CD109: variants seen among roughly 807,000 people sequenced by gnomAD.
CD109 encodes the protein CD109 molecule.
A neutral mutation model predicts 165.8 loss-of-function variants in CD109; 149 were observed. The ratio of observed to expected loss-of-function variants is 0.90; its 90% confidence interval spans 0.79 to 1.03. The LOEUF (loss-of-function observed/expected upper bound fraction) is 1.03, where lower values mean the gene tolerates loss of function less well. CD109 is among the 50% of genes least tolerant of loss of function. CD109 has a pLI of 0.00. For synonymous variants in CD109, 585 were observed against 592.1 expected (o/e 0.99, Z 0.18); for missense variants, 1,712 against 1,677.8 (o/e 1.02, Z -0.36).
At chr6:73,695,997 C>T (rs2150140673), upstream of CD109, 2 of 534,294 alleles carry the variant, frequency 3.7e-6, no homozygotes, top group East Asian at 3.7e-5. Flanking sequence ...ATGTTTGCCA[C>T]AGCAGCGAGA....
chr6:73,756,889 T>C (rs1410291909), intron 6 of CD109, among the ~76,000 whole-genome samples: 1 of 152,186 alleles, frequency 6.6e-6, no homozygotes, highest in East Asian at 1.9e-4. Flanking sequence ...AAAAATCACC[T>C]ATAGTTGCAT....
At chr6:73,786,173 C>T (rs958153117) in intron 20 of CD109, among the ~76,000 whole-genome samples, 4 of 152,150 alleles carry the variant, frequency 2.6e-5, no homozygotes, top group Non-Finnish European at 5.9e-5. Context: ...TTTATATTTT[C>T]AAGGATTCAC....
chr6:73,802,649 A>G (rs1775409904), intron 23 of CD109, among the ~76,000 whole-genome samples: 1 of 149,966 alleles, frequency 6.7e-6, no homozygotes, highest in African/African-American at 2.4e-5. Context: ...AGCATCATCT[A>G]TGCCATAGTG....
intron 2 of CD109, among the ~76,000 whole-genome samples, chr6:73,700,790 G>GT (rs58140668): frequency 0.032 from 1,637 of 51,464 alleles, 633 homozygotes; most frequent in African/African-American, 0.073. Flanking sequence ...ATTGATTGTA[G>GT]TTTTTTTTTT....
intron 22 of CD109, among the ~76,000 whole-genome samples, chr6:73,791,458 C>T (rs1307687901): frequency 6.6e-6 from 1 of 151,510 alleles, no homozygotes; most frequent in Admixed American, 6.6e-5. Context: ...ATGCACTACA[C>T]ATACATACAC....
chr6:73,738,837 T>C (rs1443343006), intron 5 of CD109, among the ~76,000 whole-genome samples: 1 of 152,248 alleles, frequency 6.6e-6, no homozygotes. Flanking sequence ...TGCTGTTCCC[T>C]CTGCTGAGAA....
At chr6:73,807,450 C>T (rs922460142) in intron 25 of CD109, among the ~76,000 whole-genome samples, 6 of 152,098 alleles carry the variant, frequency 3.9e-5, no homozygotes, top group South Asian at 2.1e-4. Context: ...ACTTATAAAA[C>T]ATCATGGAAC....
intron 22 of CD109, among the ~76,000 whole-genome samples, 181 bp from the exon 23 acceptor site, chr6:73,792,445 T>C (rs1218881920): frequency 6.6e-6 from 1 of 152,202 alleles, no homozygotes; most frequent in African/African-American, 2.4e-5. Flanking sequence ...CAGAGCATTG[T>C]TATTTTTTTG....
chr6:73,679,866 C>T, the CD109 span, among the ~76,000 whole-genome samples: 1 of 152,116 alleles, frequency 6.6e-6, no homozygotes, highest in African/African-American at 2.4e-5. Context: ...AACTCCTGAC[C>T]TCAGGTGATC....
chr6:73,766,007 G>A lies in CD109; in HGVS notation c.1185G>A (p.Gln395=). The part of the protein sequence containing the change: ...RRNNVVITVT[Q]RNYTEYWSGS... ...ATAATGTAGTCATAACAGTGACACA[G>A]AGAAACTATACTGAGTACTGGAGCG... Residue 395 remains glutamine, a synonymous_variant, in exon 11 of 33, where the codon CAG becomes CAA. Transcript: ENST00000287097. 6.2e-7 allele frequency: 1 copy of A among 1,614,094 alleles called. No homozygotes were observed. Among genetic ancestry groups the A allele is most frequent in the South Asian group, 1.1e-5 (1 of 91,084 alleles).
At chr6:73,819,503 CA>C (rs1207692785) in intron 31 of CD109, among the ~76,000 whole-genome samples, 1 of 152,166 alleles carries the variant, frequency 6.6e-6, no homozygotes, top group East Asian at 1.9e-4. Flanking sequence ...TTTCATATTA[CA>C]TGGGTGGGTT....
At chr6:73,755,797 TA>T (rs10718476) in intron 5 of CD109, among the ~76,000 whole-genome samples, 42,698 of 145,418 alleles carry the variant, frequency 0.29, 6,166 homozygotes, top group Admixed American at 0.35. Flanking sequence ...CTGTTCTACT[TA>T]AAAAAAAAAA....
intron 21 of CD109, 119 bp from the exon 22 acceptor site, chr6:73,788,349 A>G (rs1447400220): frequency 1.5e-6 from 1 of 677,188 alleles, no homozygotes; most frequent in Non-Finnish European, 2.3e-6. Context: ...ATAGGTGCCT[A>G]TTTAGCCACA....
chr6:73,697,173 C>T (rs1770874042), intron 1 of CD109, among the ~76,000 whole-genome samples: 1 of 152,150 alleles, frequency 6.6e-6, no homozygotes, highest in African/African-American at 2.4e-5. Context: ...AGGCCTTCCT[C>T]TAGTAGTGAT....
At position 73,771,428 on chromosome 6, in the gene CD109, G is replaced by T; in HGVS notation, c.1675-1G>T. On this transcript the variant is annotated splice_acceptor_variant, in intron 14 of 32. Coordinates refer to ENST00000287097, the MANE Select transcript of CD109 (RefSeq NM_133493.5). LOFTEE classifies it high-confidence loss of function. ...TTAATCCTCCTTTCTCTCTTTTTTA[G>T]ATAAAGCTATATTGGAGTAAAGTGA... is the stretch of plus-strand genomic sequence containing the variant. The T allele has an allele frequency of 6.3e-7, 1 of 1,599,186 alleles. No homozygotes were observed. The highest frequency in any genetic ancestry group is 8.5e-7 in the Non-Finnish European group (1 of 1,175,292).
chr6:73,789,696 A>G (rs960242345), intron 22 of CD109, among the ~76,000 whole-genome samples: 2 of 150,452 alleles, frequency 1.3e-5, no homozygotes, highest in South Asian at 2.1e-4. Flanking sequence ...TCCTGACTTC[A>G]TGATCCACCC....
chr6:73,730,774 T>C (rs1772339275), intron 4 of CD109, among the ~76,000 whole-genome samples, 200 bp downstream of exon 4: 4 of 152,112 alleles, frequency 2.6e-5, no homozygotes, highest in Admixed American at 2.6e-4. Context: ...GTCAACCTGC[T>C]TGAGTTCCAG....
At chr6:73,742,900 A>AG (rs1348936452) in intron 5 of CD109, among the ~76,000 whole-genome samples, 2 of 152,228 alleles carry the variant, frequency 1.3e-5, no homozygotes, top group Non-Finnish European at 2.9e-5. Flanking sequence ...TAAGCACTCA[A>AG]GGAAATTCTA....
chr6:73,695,276 G>A (rs1401193057), upstream of CD109: 1 of 152,266 alleles, frequency 6.6e-6, no homozygotes, highest in Admixed American at 6.5e-5. Flanking sequence ...TCTGAAGATG[G>A]TGGCAGTGCC....
Sources: allele counts gnomAD v4.1 joint callset (sites outside exome capture counted in the v4.1 genomes callset), GRCh38; gene constraint gnomAD v4.1.1; transcripts MANE v1.5; gene names NCBI Gene and HGNC (gene_info 2026-07-23, HGNC 2026-07-21).